The following XKR4 variants were observed in gnomAD, a reference collection of about 807,000 sequenced individuals.
XKR4 encodes the protein XK related 4.
XKR4 carries 12 observed loss-of-function variants against 53.9 expected under a neutral mutation model. That is an observed-to-expected ratio of 0.22 (90% CI 0.14 to 0.36). The LOEUF (loss-of-function observed/expected upper bound fraction) is 0.36, where lower values mean the gene tolerates loss of function less well. XKR4 is among the 10% of genes least tolerant of loss of function. XKR4 has a pLI of 1.00. For missense variants in XKR4, 799 were observed against 859.5 expected (o/e 0.93, Z 0.88); for synonymous variants, 354 against 362.4 (o/e 0.98, Z 0.26).
intron 1 of XKR4, among the ~76,000 whole-genome samples, chr8:55,247,387 A>G (rs1212779764): frequency 6.6e-6 from 1 of 152,220 alleles, no homozygotes; most frequent in East Asian, 1.9e-4. Flanking sequence ...TAGACTTTAT[A>G]TGACATTGGT....
Position 55,530,151 on chromosome 8 carries a change from G to GGAA in XKR4, c.*5926_*5928dup, listed in dbSNP as rs1806928776. 1 of 3,848 alleles carries GGAA rather than the reference G, an allele frequency of 2.6e-4. No homozygotes were observed. The highest frequency in any genetic ancestry group is 2.8e-3 in the Admixed American group (1 of 356). The allele number at this position is 3,848 out of a possible 1,614,324, so 0.2% of individuals were successfully genotyped here. ...AGAGAGGGAGGGAAGGAAGAAGGAA[G>GGAA]GAAGGAAGGAAGGAAGGAAGGAAGG... On this transcript the variant is annotated 3_prime_UTR_variant, in exon 3 of 3. Coordinates refer to ENST00000327381, the MANE Select transcript of XKR4 (RefSeq NM_052898.2).
intron 1 of XKR4, among the ~76,000 whole-genome samples, chr8:55,156,075 A>T (rs1355360435): frequency 6.6e-6 from 1 of 152,100 alleles, no homozygotes. Context: ...GAGATACAAG[A>T]AACCGCTTCA....
At chr8:55,299,454 G>C (rs1212129442) in intron 1 of XKR4, among the ~76,000 whole-genome samples, 1 of 152,162 alleles carries the variant, frequency 6.6e-6, no homozygotes, top group Non-Finnish European at 1.5e-5. Flanking sequence ...CCGTGAACTT[G>C]ATTCTGAAAG....
intron 2 of XKR4, among the ~76,000 whole-genome samples, chr8:55,504,843 A>G (rs920824128): frequency 6.6e-6 from 1 of 152,124 alleles, no homozygotes; most frequent in Admixed American, 6.5e-5. Context: ...TCTAATTGGC[A>G]TACAACTCTT....
intron 2 of XKR4, among the ~76,000 whole-genome samples, chr8:55,514,999 G>A (rs1168647958): frequency 6.6e-6 from 1 of 152,176 alleles, no homozygotes; most frequent in African/African-American, 2.4e-5. Flanking sequence ...GAGATTATCT[G>A]AGATATGTTT....
chr8:55,428,845 A>G (rs982486555), intron 2 of XKR4, among the ~76,000 whole-genome samples: 2 of 152,250 alleles, frequency 1.3e-5, no homozygotes, highest in African/African-American at 4.8e-5. Flanking sequence ...AAAGTCGTCA[A>G]TTCTTCCCAA....
At chr8:55,334,425 T>A (rs1585525858) in intron 1 of XKR4, among the ~76,000 whole-genome samples, 1 of 152,154 alleles carries the variant, frequency 6.6e-6, no homozygotes, top group Admixed American at 6.5e-5. Flanking sequence ...TTTCTCAATC[T>A]GTGGCCCTCA....
intron 2 of XKR4, among the ~76,000 whole-genome samples, chr8:55,420,920 C>T (rs905971857): frequency 5.3e-5 from 8 of 152,080 alleles, no homozygotes; most frequent in Non-Finnish European, 1.2e-4. Context: ...ACTCTTCATT[C>T]CTTGTGGTTC....
In XKR4 at chr8:55,523,684, C is replaced by T. The variant is rs1806837591; in HGVS notation, c.1410C>T (p.Ala470=). 1 of 1,614,176 alleles carries T rather than the reference C, an allele frequency of 6.2e-7. No homozygotes were observed. The highest frequency in any genetic ancestry group is 8.5e-7 in the Non-Finnish European group (1 of 1,180,014). The part of the protein sequence containing the change: ...YYFVILLENT[A]LSALWYLYKA... ...TTGTGATCCTTTTGGAAAATACAGC[C>T]TTGAGTGCCCTCTGGTACCTCTACA... Residue 470 remains alanine, a synonymous_variant, in exon 3 of 3, where the codon GCC becomes GCT. Coordinates refer to ENST00000327381, the MANE Select transcript of XKR4 (RefSeq NM_052898.2).
chr8:55,103,025 C>T lies in XKR4; in HGVS notation c.537C>T (p.Ala179=). Residue 179 remains alanine (A), a synonymous_variant, in exon 1 of 3, where the codon GCC becomes GCT. Transcript: ENST00000327381. ...TCAGCACCGAGGACAGCGCCACGGC[C>T]GCTGCTGCCTCCAGCTGCCCGCAGC... ...HDFSTEDSAT[A]AAASSCPQPG... The T allele has an allele frequency of 4.3e-6, 7 of 1,612,498 alleles. No individual in the cohort carries two copies. Among genetic ancestry groups the T allele is most frequent in the Non-Finnish European group, 5.9e-6 (7 of 1,179,786 alleles).
At chr8:55,170,427 T>G (rs1321917546) in intron 1 of XKR4, among the ~76,000 whole-genome samples, 1 of 151,984 alleles carries the variant, frequency 6.6e-6, no homozygotes, top group African/African-American at 2.4e-5. Flanking sequence ...TATGGGGACA[T>G]GAGCCAAGGA....
At position 55,278,103 on chromosome 8, in the gene XKR4, G is replaced by A. The variant is rs537411694; in HGVS notation, c.807-79575G>A. 1.8e-4 allele frequency among the ~76,000 whole-genome samples: 27 copies of A among 152,210 alleles called. No individual in the cohort carries two copies. The East Asian group carries it at 5.0e-3, about 28-fold the overall frequency. Reference sequence around the variant, plus strand: ...TAATCCCAGCACTTTGGGAGGGTGAGGTGGGTGCATCACTTGAGTCCAGGA... The same window carrying A: ...TAATCCCAGCACTTTGGGAGGGTGAAGTGGGTGCATCACTTGAGTCCAGGA... On this transcript the variant is annotated intron_variant, in intron 1 of 2. Transcript: ENST00000327381.
chr8:55,489,557 T>G (rs1806242654), intron 2 of XKR4, among the ~76,000 whole-genome samples: 2 of 152,092 alleles, frequency 1.3e-5, no homozygotes, highest in Admixed American at 6.6e-5. Context: ...TTTAGGTAAG[T>G]CAGTTACCCT....
intron 1 of XKR4, among the ~76,000 whole-genome samples, chr8:55,177,040 CT>C (rs1227604133): frequency 1.8e-3 from 264 of 143,728 alleles, no homozygotes; most frequent in South Asian, 2.6e-3. Context: ...TCTTCTTCTT[CT>C]TTTTTTTTTT....
chr8:55,507,414 A>T (rs1185199268), intron 2 of XKR4, among the ~76,000 whole-genome samples: 2 of 151,906 alleles, frequency 1.3e-5, no homozygotes, highest in East Asian at 3.9e-4. Context: ...GGTTAGTTAC[A>T]TATGTATACA....
At chr8:55,307,518 T>C (rs539381981) in intron 1 of XKR4, among the ~76,000 whole-genome samples, 35 of 152,022 alleles carry the variant, frequency 2.3e-4, no homozygotes, top group Non-Finnish European at 4.4e-4. Context: ...TAGCCAGACA[T>C]GGTGGCACAT....
At chr8:55,486,723 C>T (rs1417558533) in intron 2 of XKR4, among the ~76,000 whole-genome samples, 5 of 152,318 alleles carry the variant, frequency 3.3e-5, no homozygotes, top group Non-Finnish European at 2.9e-5. Flanking sequence ...ATATGCTACC[C>T]ATTTGAAAGT....
intron 1 of XKR4, among the ~76,000 whole-genome samples, chr8:55,174,418 T>A (rs747057252): frequency 2.0e-5 from 3 of 152,202 alleles, no homozygotes; most frequent in Non-Finnish European, 4.4e-5. Flanking sequence ...AACTAAAGGA[T>A]GTTGCTTGGA....
At chr8:55,288,138 C>T (rs1385003292) in intron 1 of XKR4, among the ~76,000 whole-genome samples, 1 of 152,126 alleles carries the variant, frequency 6.6e-6, no homozygotes, top group East Asian at 1.9e-4. Context: ...CCCAGGGAAG[C>T]CAAAAGATTG....
Sources: gnomAD v4.1 joint callset for allele counts (sites outside exome capture counted in the v4.1 genomes callset) on GRCh38, gnomAD v4.1.1 for gene constraint, MANE v1.5 for transcripts, NCBI Gene and HGNC (gene_info 2026-07-23, HGNC 2026-07-21) for gene names.